Variants in MRPL48 observed in about 807,000 individuals in gnomAD.
MRPL48 encodes the protein large ribosomal subunit protein mL48.
Under a neutral mutation model 32.9 loss-of-function variants are expected in MRPL48, and 16 were observed. The ratio of observed to expected loss-of-function variants is 0.49; its 90% CI spans 0.33 to 0.74. MRPL48 has a LOEUF of 0.74. MRPL48 is among the 30% of genes least tolerant of loss of function. The pLI is 0.02. For synonymous variants in MRPL48, 94 were observed against 89.2 expected, an observed-to-expected ratio of 1.05 and a Z score of -0.31; for missense variants, 206 against 245.3, an observed-to-expected ratio of 0.84 and a Z score of 1.07.
At chr11:73,807,830 G>T (rs990071653) in intron 2 of MRPL48, among the ~76,000 whole-genome samples, 2 of 151,924 alleles carry the variant, frequency 1.3e-5, no homozygotes, top group African/African-American at 4.8e-5. Flanking sequence ...GTAGAGACGG[G>T]GTTTCGCCAT....
At chr11:73,820,272 T>C (rs949485170) in intron 3 of MRPL48, among the ~76,000 whole-genome samples, 17 of 152,228 alleles carry the variant, frequency 1.1e-4, no homozygotes, top group African/African-American at 3.9e-4. Flanking sequence ...TTGCCCAGGC[T>C]GAAGTGCAGT....
chr11:73,839,176 C>T (rs1454814738), intron 4 of MRPL48, among the ~76,000 whole-genome samples: 1 of 152,046 alleles, frequency 6.6e-6, no homozygotes, highest in Non-Finnish European at 1.5e-5. Flanking sequence ...TGTAAAAGGA[C>T]CATTTCTTTG....
At chr11:73,813,224 T>G (rs999674098) in intron 3 of MRPL48, among the ~76,000 whole-genome samples, 11 of 152,104 alleles carry the variant, frequency 7.2e-5, no homozygotes. Flanking sequence ...CAGGCTAGAG[T>G]GCAGTGGCAT....
At chr11:73,838,436 A>T (rs953023709) in intron 4 of MRPL48, among the ~76,000 whole-genome samples, 2 of 152,180 alleles carry the variant, frequency 1.3e-5, no homozygotes, top group Non-Finnish European at 2.9e-5. Flanking sequence ...GGACACTGGG[A>T]TCAGCTTTCT....
chr11:73,814,773 C>T (rs1245255609), intron 3 of MRPL48, among the ~76,000 whole-genome samples: 1 of 151,684 alleles, frequency 6.6e-6, no homozygotes, highest in Non-Finnish European at 1.5e-5. Flanking sequence ...GCAGGTGGAT[C>T]ACTTGAGGTC....
chr11:73,796,358 T>C (rs1947254093), intron 1 of MRPL48, among the ~76,000 whole-genome samples: 1 of 152,230 alleles, frequency 6.6e-6, no homozygotes, highest in Admixed American at 6.5e-5. Context: ...AGCTCTGATC[T>C]TGGAGCAAAG....
At chr11:73,857,091 C>T (rs963577326) in intron 5 of MRPL48, among the ~76,000 whole-genome samples, 2 of 151,862 alleles carry the variant, frequency 1.3e-5, no homozygotes, top group South Asian at 2.1e-4. Flanking sequence ...TATATACTTA[C>T]TTATCTCTTT....
chr11:73,815,568 A>C (rs1199609955), intron 3 of MRPL48, among the ~76,000 whole-genome samples: 1 of 152,086 alleles, frequency 6.6e-6, no homozygotes, highest in Admixed American at 6.6e-5. Context: ...AGCTCACCGC[A>C]GTCTTGAGCT....
intron 3 of MRPL48, 143 bp from the exon 4 acceptor site, chr11:73,825,565 T>C: frequency 1.5e-6 from 1 of 665,514 alleles, no homozygotes; most frequent in Non-Finnish European, 2.5e-6. Flanking sequence ...GGAGACTGTC[T>C]TGTACCAGAA....
chr11:73,858,706 A>T (rs1490571015), intron 5 of MRPL48, among the ~76,000 whole-genome samples: 1 of 152,214 alleles, frequency 6.6e-6, no homozygotes, highest in Non-Finnish European at 1.5e-5. Context: ...GAACTTTTTG[A>T]TAAGATGAAC....
intron 3 of MRPL48, among the ~76,000 whole-genome samples, chr11:73,815,387 C>G (rs187517547): frequency 1.2e-3 from 190 of 152,052 alleles, no homozygotes; most frequent in African/African-American, 4.4e-3. Context: ...GCACTCTAGC[C>G]TGGGCAACGA....
chr11:73,852,608 G>A (rs889008446), intron 5 of MRPL48, among the ~76,000 whole-genome samples: 4 of 152,110 alleles, frequency 2.6e-5, no homozygotes, highest in Admixed American at 2.0e-4. Context: ...AAATGTTGAC[G>A]AGGATGTGGA....
chr11:73,795,401 T>G (rs1263862560), intron 1 of MRPL48, among the ~76,000 whole-genome samples: 1 of 149,646 alleles, frequency 6.7e-6, no homozygotes. Context: ...ATCTCTGAAT[T>G]TTTTTTTTTT....
At position 73,859,954 on chromosome 11, in the gene MRPL48, A is replaced by C; in HGVS notation, c.419A>C (p.Gln140Pro). The change falls in exon 6 of 8, where the codon CAA (glutamine) becomes CCA (proline). Residue 140 changes from glutamine (Q) to proline (P), a missense_variant. Physicochemically the swap from Gln to Pro is moderately conservative, Grantham distance 76 (BLOSUM62 -1). Transcript: ENST00000310614. ...ATAGAAGTGTTGCAGTTGCAGGACC[A>C]AGGCAGCAAAATGCTCCTGGACTCA... ...KTIEVLQLQD[Q>P]GSKMLLDSVL... 1.2e-6 allele frequency: 2 copies of C among 1,613,944 alleles called. No homozygotes were observed. The highest frequency in any genetic ancestry group is 1.7e-6 in the Non-Finnish European group (2 of 1,179,894).
chr11:73,850,678 A>T (rs954890021), intron 5 of MRPL48: 19 of 185,472 alleles, frequency 1.0e-4, no homozygotes, highest in African/African-American at 2.3e-4. Flanking sequence ...GGGCTATACA[A>T]TTTTTTTTTT....
intron 1 of MRPL48, among the ~76,000 whole-genome samples, chr11:73,789,842 A>C (rs116143364): frequency 4.7e-4 from 71 of 152,278 alleles, no homozygotes; most frequent in African/African-American, 1.7e-3. Context: ...CATGTCTGGT[A>C]TATAATAGAG....
intron 5 of MRPL48, among the ~76,000 whole-genome samples, chr11:73,853,884 G>T (rs552754274): frequency 2.0e-4 from 31 of 151,894 alleles, no homozygotes; most frequent in Middle Eastern, 3.4e-3. Context: ...TAGGGAGGGG[G>T]TTTCACCGTG....
chr11:73,824,944 C>T (rs1947856203), intron 3 of MRPL48, among the ~76,000 whole-genome samples: 1 of 152,124 alleles, frequency 6.6e-6, no homozygotes, highest in Non-Finnish European at 1.5e-5. Flanking sequence ...TCTATGGCTC[C>T]TTAAACCAAC....
At chr11:73,788,508 C>T (rs1409735988) in intron 1 of MRPL48, among the ~76,000 whole-genome samples, 3 of 117,118 alleles carry the variant, frequency 2.6e-5, no homozygotes, top group Non-Finnish European at 4.9e-5. Flanking sequence ...GGATTTCGCT[C>T]TGTTGCCCAG....
Sources: gnomAD v4.1 joint callset for allele counts (sites outside exome capture counted in the v4.1 genomes callset) on GRCh38, gnomAD v4.1.1 for gene constraint, MANE v1.5 for transcripts, NCBI Gene and HGNC (gene_info 2026-07-23, HGNC 2026-07-21) for gene names.